HCN1: variants seen among roughly 807,000 people sequenced by gnomAD.
HCN1 encodes hyperpolarization activated cyclic nucleotide gated potassium channel 1.
A neutral mutation model predicts 78.9 loss-of-function variants in HCN1; 13 were observed. That is an observed-to-expected ratio of 0.16 (90% CI 0.11 to 0.26). HCN1 has a LOEUF of 0.26. Ranked by LOEUF, HCN1 falls within the 10% of genes least tolerant of loss-of-function variation. HCN1 has a pLI of 1.00. For synonymous variants in HCN1, 552 were observed against 455.5 expected (o/e 1.21, Z -2.70); for missense variants, 810 against 1,154.3 (o/e 0.70, Z 4.32).
At chr5:45,302,717 G>A (rs569257804) in intron 6 of HCN1, among the ~76,000 whole-genome samples, 28 of 151,944 alleles carry the variant, frequency 1.8e-4, no homozygotes, top group African/African-American at 6.0e-4. Context: ...GTACCTCCCA[G>A]AATTCCCACA....
intron 1 of HCN1, among the ~76,000 whole-genome samples, chr5:45,647,343 C>T (rs1452729304): frequency 6.6e-6 from 1 of 152,080 alleles, no homozygotes; most frequent in Non-Finnish European, 1.5e-5. Flanking sequence ...ATTGTAACAG[C>T]TATTTCACAA....
intron 2 of HCN1, among the ~76,000 whole-genome samples, chr5:45,540,917 T>C (rs1419104550): frequency 2.0e-5 from 3 of 152,164 alleles, no homozygotes; most frequent in Non-Finnish European, 4.4e-5. Context: ...AAAAAGTATG[T>C]CTATAACATG....
intron 4 of HCN1, among the ~76,000 whole-genome samples, chr5:45,354,284 G>T (rs1159308238): frequency 1.3e-5 from 2 of 151,778 alleles, no homozygotes; most frequent in East Asian, 1.9e-4. Context: ...AATGCAGGGG[G>T]TCATAAGACC....
intron 5 of HCN1, among the ~76,000 whole-genome samples, chr5:45,341,735 T>A (rs894733641): frequency 6.6e-6 from 1 of 152,154 alleles, no homozygotes; most frequent in Admixed American, 6.5e-5. Flanking sequence ...CCAGCCTGGA[T>A]GACAGTGAGA....
intron 6 of HCN1, among the ~76,000 whole-genome samples, chr5:45,282,805 T>A (rs1456775800): frequency 1.3e-5 from 2 of 152,200 alleles, no homozygotes; most frequent in Non-Finnish European, 2.9e-5. Context: ...TTTTCTTCAG[T>A]GTGTAGTGTG....
At chr5:45,579,130 T>C (rs1260062566) in intron 2 of HCN1, among the ~76,000 whole-genome samples, 2 of 152,078 alleles carry the variant, frequency 1.3e-5, no homozygotes, top group African/African-American at 2.4e-5. Flanking sequence ...CACAGAACTA[T>C]TGAATAAAGA....
chr5:45,695,468 G>A (rs1173759031), intron 1 of HCN1, among the ~76,000 whole-genome samples: 1 of 152,158 alleles, frequency 6.6e-6, no homozygotes, highest in Non-Finnish European at 1.5e-5. Context: ...CCGGGCAACA[G>A]GAGCACATCC....
intron 2 of HCN1, among the ~76,000 whole-genome samples, chr5:45,474,885 C>T (rs939945182): frequency 4.0e-5 from 6 of 151,572 alleles, no homozygotes; most frequent in South Asian, 2.1e-4. Flanking sequence ...ATTTTGAATG[C>T]GGAAAGAAAG....
intron 1 of HCN1, among the ~76,000 whole-genome samples, chr5:45,655,382 C>T (rs1419697028): frequency 4.6e-5 from 7 of 152,026 alleles, no homozygotes; most frequent in Non-Finnish European, 8.8e-5. Flanking sequence ...TAGTTTAGGA[C>T]GCTTCTTAAT....
chr5:45,672,884 C>A (rs1208485676), intron 1 of HCN1, among the ~76,000 whole-genome samples: 1 of 151,238 alleles, frequency 6.6e-6, no homozygotes, highest in Non-Finnish European at 1.5e-5. Context: ...TCCCATATAT[C>A]TCACACCTAA....
rs1367245898 is a variant in HCN1 at position 45,259,916 on chromosome 5, TA to T, written c.*2004del. 2 of 152,594 alleles carry T rather than the reference TA, an allele frequency of 1.3e-5. No individual in the cohort carries two copies. The highest frequency in any genetic ancestry group is 2.9e-5 in the Non-Finnish European group (2 of 68,014). 9.5% of individuals were successfully genotyped at this position (152,594 alleles called of 1,614,324 possible). On this transcript the variant is annotated 3_prime_UTR_variant, in exon 8 of 8. Coordinates refer to ENST00000303230, the MANE Select transcript of HCN1 (RefSeq NM_021072.4). ...TTGCAGCTTTCCCATAGGTTCTAGG[TA>T]GACTGAACAATCCCTTTCTTACAAC...
chr5:45,478,058 G>A (rs560631034), intron 2 of HCN1, among the ~76,000 whole-genome samples: 2 of 152,114 alleles, frequency 1.3e-5, no homozygotes, highest in African/African-American at 2.4e-5. Context: ...GGAAGCTGAG[G>A]CAGAAGAATT....
chr5:45,487,511 T>C (rs1378839149), intron 2 of HCN1, among the ~76,000 whole-genome samples: 1 of 151,878 alleles, frequency 6.6e-6, no homozygotes, highest in Non-Finnish European at 1.5e-5. Context: ...TTAATATATC[T>C]AGGCCATTTC....
At chr5:45,375,233 T>TAG (rs1747592128) in intron 4 of HCN1, among the ~76,000 whole-genome samples, 1 of 116,936 alleles carries the variant, frequency 8.6e-6, no homozygotes, top group Non-Finnish European at 1.6e-5. Flanking sequence ...TATTTTATAA[T>TAG]ATATAATATA....
rs34016747 is a variant in HCN1, at chr5:45,271,359, TACACACACAC to T, written c.1619-4116_1619-4107del. Among the ~76,000 whole-genome samples the T allele has an allele frequency of 7.4e-3, 1,015 of 137,410 alleles. 9 individuals carry two copies. Among genetic ancestry groups the T allele is most frequent in the African/African-American group, 0.026 (953 of 37,022 alleles). 90.1% of individuals were successfully genotyped at this position (137,410 alleles called of 152,430 possible). ...ATGTCTGGTTTCCTGCTGATTCAGGTACACACACACACACACACACACACACACACACACA... is the reference window on the plus strand; with the variant it reads ...ATGTCTGGTTTCCTGCTGATTCAGGTACACACACACACACACACACACACA... On this transcript the variant is annotated intron_variant, in intron 6 of 7. Transcript: ENST00000303230.
chr5:45,310,327 AAAC>A (rs1745825162), intron 5 of HCN1, among the ~76,000 whole-genome samples: 1 of 152,112 alleles, frequency 6.6e-6, no homozygotes, highest in Admixed American at 6.6e-5. Context: ...AAAAAAATAC[AAAC>A]AACCCCATTA....
chr5:45,315,245 T>A (rs1329327432), intron 5 of HCN1, among the ~76,000 whole-genome samples: 3 of 152,096 alleles, frequency 2.0e-5, no homozygotes, highest in African/African-American at 4.8e-5. Flanking sequence ...AAACTAGAAC[T>A]CAGGATTAAG....
chr5:45,527,065 C>G (rs1473385949), intron 2 of HCN1, among the ~76,000 whole-genome samples: 1 of 135,238 alleles, frequency 7.4e-6, no homozygotes, highest in Admixed American at 7.5e-5. Context: ...TTCTCTCTCT[C>G]TCTCTCTCTG....
intron 6 of HCN1, among the ~76,000 whole-genome samples, chr5:45,281,738 C>A (rs1745173147): frequency 6.6e-6 from 1 of 151,560 alleles, no homozygotes; most frequent in South Asian, 2.1e-4. Context: ...CAGGTGCCCG[C>A]CACCACGCCC....
Sources: allele counts gnomAD v4.1 joint callset (sites outside exome capture counted in the v4.1 genomes callset), GRCh38; gene constraint gnomAD v4.1.1; transcripts MANE v1.5; gene names NCBI Gene and HGNC (gene_info 2026-07-23, HGNC 2026-07-21).